GRIK4: variants seen among roughly 807,000 people sequenced by gnomAD.
GRIK4 encodes the protein glutamate receptor ionotropic, kainate 4.
In GRIK4, 40 loss-of-function variants were observed where a neutral mutation model predicts 104.9. The observed-to-expected ratio is 0.38, with a 90% CI of 0.30 to 0.50. The LOEUF is 0.50. Ranked by LOEUF, GRIK4 falls within the 20% of genes least tolerant of loss-of-function variation. The pLI is 0.93. For missense variants in GRIK4, 1,047 were observed against 1,308.1 expected (o/e 0.80, Z 3.08); for synonymous variants, 485 against 524.9 (o/e 0.92, Z 1.04).
chr11:120,798,193 T>C (rs1316635917), intron 3 of GRIK4, among the ~76,000 whole-genome samples: 2 of 113,528 alleles, frequency 1.8e-5, no homozygotes, highest in Admixed American at 1.4e-4. Context: ...GGAGATGGAG[T>C]CTTGCCCTGT....
In GRIK4 at chr11:120,813,915, C is replaced by A. The variant is rs565619661; in HGVS notation, c.248-1463C>A. Among the ~76,000 whole-genome samples, 58 of 152,314 alleles carry A rather than the reference C, an allele frequency of 3.8e-4. 1 individual carries two copies. Among genetic ancestry groups the A allele is most frequent in the African/African-American group, 1.3e-3 (56 of 41,568 alleles). On this transcript the variant is annotated intron_variant, in intron 4 of 20. Coordinates refer to ENST00000527524, the MANE Select transcript of GRIK4 (RefSeq NM_014619.5). ...CGATTGCATTTTCTGAGGGACGGCC[C>A]CTTGGCTCTGATACCACAGTGTGTG...
intron 2 of GRIK4, among the ~76,000 whole-genome samples, chr11:120,656,095 C>A (rs1002432874): frequency 6.6e-6 from 1 of 152,076 alleles, no homozygotes; most frequent in Non-Finnish European, 1.5e-5. Flanking sequence ...TCTTTTTTCG[C>A]CCCTGAATTA....
intron 19 of GRIK4, among the ~76,000 whole-genome samples, chr11:120,971,407 TC>T (rs1944473344): frequency 2.0e-5 from 3 of 152,202 alleles, no homozygotes; most frequent in African/African-American, 7.2e-5. Flanking sequence ...CTCAAAGTCC[TC>T]CTGACTTTGG....
chr11:120,547,976 G>A (rs1948102849), intron 1 of GRIK4, among the ~76,000 whole-genome samples: 1 of 152,220 alleles, frequency 6.6e-6, no homozygotes, highest in African/African-American at 2.4e-5. Context: ...CTGTGACTCA[G>A]AGGGTGGCTG....
intron 1 of GRIK4, among the ~76,000 whole-genome samples, chr11:120,521,280 C>T (rs1947794408): frequency 6.6e-6 from 1 of 152,016 alleles, no homozygotes; most frequent in East Asian, 1.9e-4. Context: ...ACTGTGTTAT[C>T]CAGACTGGAC....
chr11:120,756,167 G>T (rs565186382), intron 3 of GRIK4, among the ~76,000 whole-genome samples: 34 of 152,308 alleles, frequency 2.2e-4, no homozygotes, highest in Non-Finnish European at 1.5e-5. Flanking sequence ...CTGTTGCAAC[G>T]TTGGTTTCTC....
intron 4 of GRIK4, 34 bp downstream of exon 4, chr11:120,802,891 G>A: frequency 6.3e-7 from 1 of 1,587,402 alleles, no homozygotes; most frequent in Non-Finnish European, 8.6e-7. Flanking sequence ...CTCTTCCCTT[G>A]CTGGCAGAGG....
chr11:120,687,330 C>G lies in GRIK4; in HGVS notation c.82+26930C>G, dbSNP rs184942494. 1.4e-4 allele frequency among the ~76,000 whole-genome samples: 21 copies of G among 152,302 alleles called. No homozygotes were observed. The East Asian group carries it at 3.7e-3, about 27-fold the overall frequency. On this transcript the variant is annotated intron_variant, in intron 3 of 20. Coordinates refer to ENST00000527524, the MANE Select transcript of GRIK4 (RefSeq NM_014619.5). ...TTTACCATACTGCTTTAATGAACCT[C>G]CAGCGCTTTAAGATGTTTCTTAATC...
chr11:120,640,101 A>G (rs939429506), intron 1 of GRIK4, among the ~76,000 whole-genome samples: 3 of 152,200 alleles, frequency 2.0e-5, no homozygotes, highest in Non-Finnish European at 4.4e-5. Context: ...ACCTCATGCA[A>G]GAAAGAACTT....
At chr11:120,609,516 CTTTTTTTTTTTTTT>C (rs58736481) in intron 1 of GRIK4, among the ~76,000 whole-genome samples, 3 of 57,130 alleles carry the variant, frequency 5.3e-5, no homozygotes, top group African/African-American at 7.5e-5. Flanking sequence ...TTTGCAGTTG[CTTTTTTTTTTTTTT>C]TTTTTTTTTT....
intron 3 of GRIK4, among the ~76,000 whole-genome samples, chr11:120,748,600 T>A (rs1277398016): frequency 6.6e-6 from 1 of 152,194 alleles, no homozygotes; most frequent in African/African-American, 2.4e-5. Flanking sequence ...GAATGAAACG[T>A]GCCTGTGTTT....
At chr11:120,658,469 T>C (rs899940483) in intron 2 of GRIK4, among the ~76,000 whole-genome samples, 4 of 152,182 alleles carry the variant, frequency 2.6e-5, no homozygotes, top group African/African-American at 9.7e-5. Context: ...AAAGTACTTA[T>C]TTCAGTTTAC....
intron 1 of GRIK4, among the ~76,000 whole-genome samples, chr11:120,653,230 C>T (rs1201099194): frequency 2.0e-5 from 3 of 152,188 alleles, no homozygotes; most frequent in African/African-American, 7.2e-5. Flanking sequence ...AAGCATGGAA[C>T]CAGGGGGCCA....
At chr11:120,868,684 C>A (rs1051424699) in intron 9 of GRIK4, 1 of 151,984 alleles carries the variant, frequency 6.6e-6, no homozygotes, top group African/African-American at 2.4e-5. Context: ...TGGGTTCAAG[C>A]AATTCTCCTG....
intron 1 of GRIK4, among the ~76,000 whole-genome samples, chr11:120,614,872 G>T (rs546967853): frequency 3.9e-5 from 6 of 152,114 alleles, no homozygotes; most frequent in Non-Finnish European, 5.9e-5. Flanking sequence ...GGTGGCGGGC[G>T]CTTGTAGTCC....
intron 1 of GRIK4, among the ~76,000 whole-genome samples, chr11:120,554,866 G>A (rs559580315): frequency 1.3e-5 from 2 of 152,158 alleles, no homozygotes; most frequent in East Asian, 1.9e-4. Flanking sequence ...GCCCCTTCCA[G>A]TCTCTTGAGA....
At chr11:120,608,529 A>T (rs1948990861) in intron 1 of GRIK4, among the ~76,000 whole-genome samples, 1 of 152,058 alleles carries the variant, frequency 6.6e-6, no homozygotes, top group Non-Finnish European at 1.5e-5. Flanking sequence ...CCCTACCCAT[A>T]CTGAGAGGTG....
chr11:120,891,180 C>T (rs1955280846), intron 11 of GRIK4, among the ~76,000 whole-genome samples: 1 of 152,172 alleles, frequency 6.6e-6, no homozygotes, highest in Non-Finnish European at 1.5e-5. Context: ...AGGGATGACA[C>T]CCAGGTGAGC....
intron 3 of GRIK4, among the ~76,000 whole-genome samples, chr11:120,689,280 C>T (rs1185422730): frequency 6.6e-6 from 1 of 152,124 alleles, no homozygotes; most frequent in Non-Finnish European, 1.5e-5. Flanking sequence ...GCAAGAGCCT[C>T]CTACCTGCCT....
Sources: gnomAD v4.1 joint callset for allele counts (sites outside exome capture counted in the v4.1 genomes callset) on GRCh38, gnomAD v4.1.1 for gene constraint, MANE v1.5 for transcripts, NCBI Gene and HGNC (gene_info 2026-07-23, HGNC 2026-07-21) for gene names.